RGS6: variants seen among roughly 807,000 people sequenced by gnomAD.
RGS6 encodes regulator of G-protein signaling 6.
A neutral mutation model predicts 78.5 loss-of-function variants in RGS6; 30 were observed. The ratio of observed to expected loss-of-function variants is 0.38; its 90% CI spans 0.29 to 0.52. The LOEUF is 0.52. Among genes scored for constraint, RGS6 ranks in the 20% least tolerant of loss-of-function variants. The pLI is 0.85. For missense variants in RGS6, 495 were observed against 609.7 expected, an observed-to-expected ratio of 0.81 and a Z score of 1.98; for synonymous variants, 206 against 206.0, an observed-to-expected ratio of 1.00 and a Z score of 0.00.
the RGS6 span, among the ~76,000 whole-genome samples, chr14:71,896,012 G>T: frequency 6.6e-6 from 1 of 152,014 alleles, no homozygotes; most frequent in Non-Finnish European, 1.5e-5. Context: ...GAGCCCAGGG[G>T]TGCAGTCCGT....
intron 17 of RGS6, among the ~76,000 whole-genome samples, chr14:72,542,505 T>C (rs1158736210): frequency 6.6e-6 from 1 of 152,236 alleles, no homozygotes; most frequent in Non-Finnish European, 1.5e-5. Flanking sequence ...TAAAACTAAA[T>C]GAAGGGCCAG....
chr14:72,610,702 G>C, the RGS6 span, among the ~76,000 whole-genome samples: 1 of 152,194 alleles, frequency 6.6e-6, no homozygotes, highest in Non-Finnish European at 1.5e-5. Flanking sequence ...GCCTGAGAGC[G>C]CGCTCAAGGG....
rs146348587 is a variant in RGS6 at position 72,043,837 on chromosome 14, C to T, written c.84+78962C>T. Among the ~76,000 whole-genome samples, 106 of 152,174 alleles carry T rather than the reference C, an allele frequency of 7.0e-4. No homozygotes were observed. The East Asian group carries it at 0.018, about 25-fold the overall frequency. ...TTTCTTTTGCTTCATTCTTTCTTCC[C>T]CTTCTGTTCAGTTACACACATGTCG... is the stretch of plus-strand genomic sequence containing the variant. On this transcript the variant is annotated intron_variant, in intron 2 of 17. Coordinates refer to ENST00000553525, the MANE Select transcript of RGS6 (RefSeq NM_001204424.2).
chr14:71,975,604 G>A (rs1016366504), intron 2 of RGS6, among the ~76,000 whole-genome samples: 3 of 152,026 alleles, frequency 2.0e-5, no homozygotes, highest in Non-Finnish European at 4.4e-5. Context: ...GACTAGAGGT[G>A]CGTGCCACCA....
intron 2 of RGS6, among the ~76,000 whole-genome samples, chr14:72,183,050 G>A (rs986727713): frequency 1.3e-5 from 2 of 152,180 alleles, no homozygotes; most frequent in Non-Finnish European, 2.9e-5. Context: ...GAAAGTAGAT[G>A]CTTATGCAGA....
At chr14:72,241,455 T>TTC (rs1204896658) in intron 2 of RGS6, among the ~76,000 whole-genome samples, 1 of 152,192 alleles carries the variant, frequency 6.6e-6, no homozygotes, top group African/African-American at 2.4e-5. Context: ...ATTCCTTTTT[T>TTC]TCTCTCTCTC....
At chr14:72,161,928 A>G (rs906984970) in intron 2 of RGS6, among the ~76,000 whole-genome samples, 2 of 152,244 alleles carry the variant, frequency 1.3e-5, no homozygotes, top group Admixed American at 6.5e-5. Flanking sequence ...AGAGGAGTCT[A>G]TCCAGGGTAT....
At chr14:71,975,966 TTC>T (rs2094101604) in intron 2 of RGS6, among the ~76,000 whole-genome samples, 1 of 152,158 alleles carries the variant, frequency 6.6e-6, no homozygotes, top group Non-Finnish European at 1.5e-5. Context: ...AGTTCACTAA[TTC>T]TCTCTTCAAT....
At chr14:72,307,182 T>A (rs1429169208) in intron 2 of RGS6, among the ~76,000 whole-genome samples, 1 of 152,232 alleles carries the variant, frequency 6.6e-6, no homozygotes, top group Non-Finnish European at 1.5e-5. Context: ...AGCCATAAAG[T>A]ATTTTAAAAT....
intron 3 of RGS6, among the ~76,000 whole-genome samples, chr14:72,429,787 C>T (rs146369703): frequency 1.4e-4 from 21 of 152,244 alleles, no homozygotes; most frequent in East Asian, 3.9e-4. Context: ...CTCATCTTGG[C>T]TTATAATCCC....
intron 3 of RGS6, among the ~76,000 whole-genome samples, chr14:72,377,799 G>A (rs546955771): frequency 2.0e-4 from 31 of 152,204 alleles, no homozygotes; most frequent in African/African-American, 7.5e-4. Context: ...ACAACATAGT[G>A]AGGCTTTGTC....
intron 1 of RGS6, among the ~76,000 whole-genome samples, chr14:71,957,359 C>T (rs1274771174): frequency 6.6e-6 from 1 of 152,106 alleles, no homozygotes; most frequent in East Asian, 1.9e-4. Flanking sequence ...GGAGGGAAAT[C>T]ATTTGAAGGA....
the RGS6 span, among the ~76,000 whole-genome samples, chr14:71,873,063 T>C: frequency 2.0e-5 from 3 of 152,174 alleles, no homozygotes; most frequent in African/African-American, 7.2e-5. Context: ...TGGGTTGGTT[T>C]CAAGTCTTTG....
At chr14:72,574,522 A>G in the RGS6 span, among the ~76,000 whole-genome samples, 1 of 152,238 alleles carries the variant, frequency 6.6e-6, no homozygotes, top group African/African-American at 2.4e-5. Context: ...ATCTGAGGAC[A>G]TTTAAGTCTA....
Position 72,470,152 on chromosome 14 carries a change from G to C in RGS6, c.536+69G>C, listed in dbSNP as rs577073116. On this transcript the variant is annotated intron_variant, in intron 8 of 17. Coordinates refer to ENST00000553525, the MANE Select transcript of RGS6 (RefSeq NM_001204424.2). ...TGGAATTTGGAAATGGTGTGAAGGTGGGATTGTCAAAGTGAAGTTTCCAGA... is the reference window on the plus strand; with the variant it reads ...TGGAATTTGGAAATGGTGTGAAGGTCGGATTGTCAAAGTGAAGTTTCCAGA... 6.3e-4 allele frequency: 771 copies of C among 1,214,508 alleles called. 7 individuals are homozygous for C. In the Admixed American group the frequency reaches 0.013, roughly 20 times the overall value. The allele number at this position is 1,214,508 out of a possible 1,614,324, so 75.2% of individuals were successfully genotyped here. A position where few individuals can be genotyped will look rare whatever the true frequency, so the allele number is the denominator to read the frequency against.
chr14:71,890,078 G>A, the RGS6 span, among the ~76,000 whole-genome samples: 1 of 152,106 alleles, frequency 6.6e-6, no homozygotes, highest in Non-Finnish European at 1.5e-5. Context: ...CATTCTTTCT[G>A]TATAGCCTGC....
At chr14:72,036,336 A>T (rs2190865) in intron 2 of RGS6, among the ~76,000 whole-genome samples, 96,718 of 151,412 alleles carry the variant, frequency 0.64, 31,214 homozygotes, top group East Asian at 0.75. Flanking sequence ...GTTTTTGATA[A>T]TTAAGAATTA....
At chr14:72,247,027 GCT>G (rs925867095) in intron 2 of RGS6, among the ~76,000 whole-genome samples, 1 of 152,082 alleles carries the variant, frequency 6.6e-6, no homozygotes, top group Admixed American at 6.6e-5. Flanking sequence ...ACCTGCCCAG[GCT>G]CTCTCCTCTC....
intron 2 of RGS6, among the ~76,000 whole-genome samples, chr14:72,152,406 G>T (rs1346750931): frequency 2.6e-5 from 4 of 152,236 alleles, no homozygotes; most frequent in African/African-American, 4.8e-5. Flanking sequence ...CCAGAGGGTA[G>T]TACGTTCCAA....
Sources: allele counts gnomAD v4.1 joint callset (sites outside exome capture counted in the v4.1 genomes callset), GRCh38; gene constraint gnomAD v4.1.1; transcripts MANE v1.5; gene names NCBI Gene and HGNC (gene_info 2026-07-23, HGNC 2026-07-21).